JAKMIP2: variants seen among roughly 807,000 people sequenced by gnomAD.
The protein encoded by JAKMIP2 is janus kinase and microtubule interacting protein 2.
In JAKMIP2, 25 loss-of-function variants were observed where a neutral mutation model predicts 115.0. That is an observed-to-expected ratio of 0.22 (90% CI 0.16 to 0.30). JAKMIP2 has a LOEUF of 0.30. JAKMIP2 is among the 10% of genes least tolerant of loss of function. JAKMIP2 has a pLI of 1.00. For missense variants in JAKMIP2, 642 were observed against 957.6 expected (o/e 0.67, Z 4.35); for synonymous variants, 334 against 343.6 (o/e 0.97, Z 0.31).
intron 1 of JAKMIP2, among the ~76,000 whole-genome samples, chr5:147,754,078 G>T (rs528293102): frequency 1.3e-5 from 2 of 152,254 alleles, no homozygotes; most frequent in South Asian, 4.1e-4. Context: ...CCTTTTTAAA[G>T]ATTCAATTCT....
rs1310075703 is a variant in JAKMIP2, at chr5:147,772,579, T to A, written c.-149+9877A>T. Among the ~76,000 whole-genome samples the A allele has an allele frequency of 3.3e-5, 5 of 151,848 alleles. No individual in the cohort carries two copies. The East Asian group carries it at 9.7e-4, about 29-fold the overall frequency. ...TTCCTAAGAGGAGAAGATATTTTAA[T>A]ATCTCCTGAAATGTCAAAATTATAA... On this transcript the variant is annotated intron_variant, in intron 1 of 21. Coordinates refer to ENST00000616793, the MANE Select transcript of JAKMIP2 (RefSeq NM_001270941.2).
intron 20 of JAKMIP2, among the ~76,000 whole-genome samples, chr5:147,603,785 C>CA (rs1471911743): frequency 6.6e-6 from 1 of 152,142 alleles, no homozygotes; most frequent in African/African-American, 2.4e-5. Context: ...GTGTACTGAG[C>CA]AAAAGAATTG....
chr5:147,779,853 T>C (rs1187237209), intron 1 of JAKMIP2, among the ~76,000 whole-genome samples: 1 of 152,142 alleles, frequency 6.6e-6, no homozygotes, highest in Non-Finnish European at 1.5e-5. Flanking sequence ...GTCATACTTT[T>C]GGAGGTTTTG....
At chr5:147,695,159 A>AT (rs1403027536) in intron 1 of JAKMIP2, among the ~76,000 whole-genome samples, 4 of 152,048 alleles carry the variant, frequency 2.6e-5, no homozygotes, top group East Asian at 1.9e-4. Flanking sequence ...TTATGGAATG[A>AT]TTTTTTTTGT....
intron 1 of JAKMIP2, among the ~76,000 whole-genome samples, chr5:147,749,842 A>G (rs1403511726): frequency 6.6e-6 from 1 of 152,212 alleles, no homozygotes; most frequent in Non-Finnish European, 1.5e-5. Context: ...ATAGTTAAGA[A>G]GCTCAGCCCT....
rs1758008253 is a variant in JAKMIP2, at chr5:147,644,078, T to C, written c.1204A>G (p.Ile402Val). The change falls in exon 7 of 22, where the codon ATT (isoleucine) becomes GTT (valine). Residue 402 changes from isoleucine to valine, a missense_variant. Around this residue, in one of 6 missense-constraint regions of JAKMIP2, gnomAD observed 439 missense variants for 570.9 expected, o/e 0.77. Coordinates refer to ENST00000616793, the MANE Select transcript of JAKMIP2 (RefSeq NM_001270941.2). The part of the protein sequence containing the change: ...LKLQVIEQQN[I>V]IDELTRDREK... ...CGTACCCTTGTGAGCTCATCAATAA[T>C]GTTCTGTTGCTCAATGACCTGAAGT... 7.5e-6 allele frequency: 12 copies of C among 1,602,540 alleles called. No homozygotes were observed. The highest frequency in any genetic ancestry group is 9.4e-6 in the Non-Finnish European group (11 of 1,172,196).
intron 1 of JAKMIP2, among the ~76,000 whole-genome samples, chr5:147,776,382 C>A (rs1755556895): frequency 1.3e-5 from 2 of 152,172 alleles, no homozygotes; most frequent in African/African-American, 4.8e-5. Flanking sequence ...TCACTCAGCT[C>A]TCATTCTTTT....
intron 7 of JAKMIP2, 131 bp downstream of exon 7, chr5:147,643,927 A>G: frequency 1.6e-6 from 1 of 620,318 alleles, no homozygotes; most frequent in South Asian, 4.5e-5. Context: ...AGTCTCTAGA[A>G]CAAAATTACA....
intron 1 of JAKMIP2, among the ~76,000 whole-genome samples, chr5:147,779,941 A>G (rs1011997202): frequency 4.6e-5 from 7 of 152,156 alleles, no homozygotes; most frequent in African/African-American, 1.7e-4. Flanking sequence ...CTACATTTGC[A>G]TATTTCTCAT....
Position 147,680,928 on chromosome 5 carries a change from C to T in JAKMIP2, c.-148-8974G>A, listed in dbSNP as rs1015943021. Among the ~76,000 whole-genome samples the T allele has an allele frequency of 5.3e-5, 8 of 152,142 alleles. 1 individual carries two copies. Among genetic ancestry groups the T allele is most frequent in the Admixed American group, 5.2e-4 (8 of 15,278 alleles). Reference sequence around the variant, plus strand: ...ATGAATGTGAAATATTCACATTCAGCATAGTAGCAATTTTGCATCTTTTGG... The same window carrying T: ...ATGAATGTGAAATATTCACATTCAGTATAGTAGCAATTTTGCATCTTTTGG... On this transcript the variant is annotated intron_variant, in intron 1 of 21. Transcript: ENST00000616793.
intron 3 of JAKMIP2, chr5:147,660,685 A>G: frequency 2.2e-6 from 1 of 460,654 alleles, no homozygotes. Flanking sequence ...TTCCATATAT[A>G]TGGTCCTTGG....
intron 21 of JAKMIP2, among the ~76,000 whole-genome samples, chr5:147,598,189 C>T (rs55975714): frequency 0.014 from 2,110 of 151,990 alleles, 55 homozygotes; most frequent in African/African-American, 0.049. Context: ...TTATTAGAGA[C>T]GCGGTTTCAC....
At chr5:147,673,469 A>G (rs1389415199) in intron 1 of JAKMIP2, among the ~76,000 whole-genome samples, 3 of 152,126 alleles carry the variant, frequency 2.0e-5, no homozygotes, top group East Asian at 1.9e-4. Flanking sequence ...GCTTTGTGCC[A>G]TCTGCTCATG....
intron 1 of JAKMIP2, among the ~76,000 whole-genome samples, chr5:147,702,611 A>AGAAAGAAAGAAG (rs1752394464): frequency 6.0e-5 from 2 of 33,424 alleles, no homozygotes; most frequent in African/African-American, 9.6e-5. Flanking sequence ...AAGGAAAGAA[A>AGAAAGAAAGAAG]GAAAGAAAGA....
At position 147,644,721 on chromosome 5, in the gene JAKMIP2, C is replaced by T. The variant is rs1005757990; in HGVS notation, c.1083+129G>A. The T allele has an allele frequency of 6.2e-6, 5 of 806,236 alleles. No individual in the cohort carries two copies. In the African/African-American group the frequency reaches 9.0e-5, roughly 14 times the overall value. The allele number at this position is 806,236 out of a possible 1,614,324, so 49.9% of individuals were successfully genotyped here. Reference sequence around the variant, plus strand: ...TCTCTTGCTTTCTTCATTAAGGCTTCCTTGCTTACATAAGGAAAAATCCAA... The same window carrying T: ...TCTCTTGCTTTCTTCATTAAGGCTTTCTTGCTTACATAAGGAAAAATCCAA... On this transcript the variant is annotated intron_variant, in intron 6 of 21. Coordinates refer to ENST00000616793, the MANE Select transcript of JAKMIP2 (RefSeq NM_001270941.2).
chr5:147,618,065 G>T lies in JAKMIP2; in HGVS notation c.2192C>A (p.Thr731Asn). 1 of 1,614,090 alleles carries T rather than the reference G, an allele frequency of 6.2e-7. No individual in the cohort carries two copies. The highest frequency in any genetic ancestry group is 2.2e-5 in the East Asian group (1 of 44,876). Residue 731 changes from threonine to asparagine, a missense_variant, in exon 19 of 22, where the codon ACT becomes AAT. This residue lies in a region of JAKMIP2 where 68 missense variants were observed against 104.6 expected (regional missense o/e 0.65). Transcript: ENST00000616793. ...TAATAATTCACCAAACTTGATAACA[G>T]TTTCTTGCTGTAGAGCATTGTACAA... is the stretch of plus-strand genomic sequence containing the variant. ...ATLYNALQQE[T>N]VIKFGELLSE...
intron 3 of JAKMIP2, chr5:147,660,473 G>T (rs905255996): frequency 2.4e-5 from 11 of 454,654 alleles, no homozygotes; most frequent in Non-Finnish European, 4.4e-5. Flanking sequence ...TGGAAGAAAA[G>T]ACTCAAGATG....
At chr5:147,598,453 T>TATCTATCTATCTATC (rs1375406208) in intron 21 of JAKMIP2, among the ~76,000 whole-genome samples, 1 of 149,968 alleles carries the variant, frequency 6.7e-6, no homozygotes, top group African/African-American at 2.5e-5. Flanking sequence ...TCTATCTATC[T>TATCTATCTATCTATC]ATCTATCATC....
At chr5:147,688,723 G>C (rs1043576264) in intron 1 of JAKMIP2, among the ~76,000 whole-genome samples, 8 of 152,286 alleles carry the variant, frequency 5.3e-5, no homozygotes, top group Admixed American at 3.9e-4. Flanking sequence ...GGTGGCAAAA[G>C]ATACATGGAA....
Sources: allele counts gnomAD v4.1 joint callset (sites outside exome capture counted in the v4.1 genomes callset), GRCh38; gene constraint gnomAD v4.1.1; regional missense constraint gnomAD v4.1.1; transcripts MANE v1.5; gene names NCBI Gene and HGNC (gene_info 2026-07-23, HGNC 2026-07-21).